ASAP1: variants seen among roughly 807,000 people sequenced by gnomAD.
The protein encoded by ASAP1 is ArfGAP with SH3 domain, ankyrin repeat and PH domain 1.
ASAP1 carries 43 observed loss-of-function variants against 145.2 expected under a neutral mutation model. The ratio of observed to expected loss-of-function variants is 0.30; its 90% CI spans 0.23 to 0.38. The LOEUF (loss-of-function observed/expected upper bound fraction) is 0.38, where lower values mean the gene tolerates loss of function less well. Ranked by LOEUF, ASAP1 falls within the 10% of genes least tolerant of loss-of-function variation. The pLI is 1.00. For missense variants in ASAP1, 1,018 were observed against 1,355.3 expected (o/e 0.75, Z 3.91); for synonymous variants, 546 against 515.5 (o/e 1.06, Z -0.80).
Position 130,088,537 on chromosome 8 carries a change from G to A in ASAP1, c.2572+3436C>T, listed in dbSNP as rs747628393. Among the ~76,000 whole-genome samples the A allele has an allele frequency of 8.5e-5, 13 of 152,282 alleles. No individual in the cohort carries two copies. In the East Asian group the frequency reaches 1.5e-3, roughly 18 times the overall value. ...GAAGGCAGAGGCTGCACCACTCCAC[G>A]GATCACCTGGAGTCACCAGAAGCTG... On this transcript the variant is annotated intron_variant, in intron 25 of 29. Transcript: ENST00000518721.
At chr8:130,127,760 G>C (rs1315502934) in intron 16 of ASAP1, among the ~76,000 whole-genome samples, 167 bp downstream of exon 16, 1 of 152,090 alleles carries the variant, frequency 6.6e-6, no homozygotes, top group Non-Finnish European at 1.5e-5. Context: ...AAACAGCATA[G>C]GTAAAAGCAG....
chr8:130,375,554 A>G (rs1286204167), intron 2 of ASAP1, among the ~76,000 whole-genome samples: 1 of 85,224 alleles, frequency 1.2e-5, no homozygotes, highest in African/African-American at 5.1e-5. Context: ...TCTCGAGGGA[A>G]AAAAAAAAAA....
At chr8:130,162,743 A>G (rs2097671943) in intron 11 of ASAP1, among the ~76,000 whole-genome samples, 2 of 150,846 alleles carry the variant, frequency 1.3e-5, no homozygotes, top group Admixed American at 6.6e-5. Flanking sequence ...GCGTGAACCC[A>G]GGAGGCGGGG....
intron 24 of ASAP1, among the ~76,000 whole-genome samples, chr8:130,096,907 C>T (rs2097519072): frequency 6.6e-6 from 1 of 151,982 alleles, no homozygotes. Flanking sequence ...GTGAGGGTCA[C>T]TTGAGGCCAG....
chr8:130,261,903 C>A (rs988939232), intron 3 of ASAP1, among the ~76,000 whole-genome samples: 6 of 151,914 alleles, frequency 3.9e-5, no homozygotes, highest in African/African-American at 2.4e-5. Flanking sequence ...AGCTACTTCA[C>A]AATTCCTACA....
At chr8:130,422,969 G>A (rs555388688) in intron 1 of ASAP1, among the ~76,000 whole-genome samples, 1 of 152,196 alleles carries the variant, frequency 6.6e-6, no homozygotes, top group East Asian at 1.9e-4. Context: ...GGTCCTCAGA[G>A]GTTAAGCAGC....
chr8:130,142,180 G>A (rs2097613493), intron 13 of ASAP1, among the ~76,000 whole-genome samples: 1 of 152,198 alleles, frequency 6.6e-6, no homozygotes, highest in African/African-American at 2.4e-5. Flanking sequence ...CGGTAAGAAA[G>A]TGGTTTGGAT....
intron 3 of ASAP1, among the ~76,000 whole-genome samples, chr8:130,254,192 A>G (rs1038922131): frequency 3.3e-5 from 5 of 152,226 alleles, no homozygotes; most frequent in African/African-American, 1.2e-4. Context: ...GACAGCAACA[A>G]CACTGCCTGA....
chr8:130,157,221 C>A (rs2097659858), intron 12 of ASAP1, among the ~76,000 whole-genome samples: 1 of 152,194 alleles, frequency 6.6e-6, no homozygotes, highest in Non-Finnish European at 1.5e-5. Context: ...GGTCACCATT[C>A]TAGAGCCCAG....
intron 25 of ASAP1, among the ~76,000 whole-genome samples, chr8:130,082,549 G>C (rs1377045769): frequency 6.7e-6 from 1 of 149,242 alleles, no homozygotes; most frequent in African/African-American, 2.5e-5. Flanking sequence ...TGTCACCCAG[G>C]TGGGAGTGCA....
At chr8:130,340,081 T>C (rs1825281829) in intron 3 of ASAP1, among the ~76,000 whole-genome samples, 1 of 152,224 alleles carries the variant, frequency 6.6e-6, no homozygotes, top group South Asian at 2.1e-4. Flanking sequence ...AAATAAGTCC[T>C]GTCCTCAAAA....
rs188165622 is a variant in ASAP1, at chr8:130,060,640, G to C, written c.3131C>G (p.Ser1044Cys). 3.7e-6 allele frequency: 6 copies of C among 1,614,154 alleles called. No individual in the cohort carries two copies. In the African/African-American group the frequency reaches 4.0e-5, roughly 11 times the overall value. The change falls in exon 28 of 30, where the codon TCC becomes TGC. Residue 1044 changes from serine to cysteine, a missense_variant. Around this residue, in one of 9 missense-constraint regions of ASAP1, gnomAD observed 139 missense variants for 131.0 expected, o/e 1.06. Transcript: ENST00000518721. Reference protein sequence around the residue: ...DAIQKQASEDSNDLTPTLPET... With the variant: ...DAIQKQASEDCNDLTPTLPET... ...TGGCAGAGTAGGCGTGAGGTCGTTG[G>C]AGTCTTCAGATGCTTGCTTTTGGAT...
intron 23 of ASAP1, among the ~76,000 whole-genome samples, chr8:130,112,968 C>T (rs17209339): frequency 0.22 from 33,976 of 152,106 alleles, 4,111 homozygotes; most frequent in South Asian, 0.36. Context: ...CTGCATTCCC[C>T]TTGGAAATAT....
intron 3 of ASAP1, among the ~76,000 whole-genome samples, chr8:130,351,954 C>T (rs1412274501): frequency 3.9e-5 from 6 of 152,316 alleles, no homozygotes; most frequent in East Asian, 1.9e-4. Context: ...TTCCTTCTCC[C>T]TTTGATTCTA....
chr8:130,141,034 G>A (rs544601287), intron 13 of ASAP1, among the ~76,000 whole-genome samples: 1 of 152,276 alleles, frequency 6.6e-6, no homozygotes, highest in South Asian at 2.1e-4. Flanking sequence ...ATATTGATTG[G>A]AGACTGTATA....
At chr8:130,197,564 TTACTA>T (rs1815583996) in intron 5 of ASAP1, among the ~76,000 whole-genome samples, 1 of 152,236 alleles carries the variant, frequency 6.6e-6, no homozygotes, top group Non-Finnish European at 1.5e-5. Flanking sequence ...CTACAAGGTA[TTACTA>T]AATAACTTGG....
At position 130,112,223 on chromosome 8, in the gene ASAP1, T is replaced by C; in HGVS notation, c.2272A>G (p.Thr758Ala). ...GAGAGCCGCTGTTTGTCCCTTGGAG[T>C]GCTGAATCCTGGCAGTGCCAGCTTG... Reference protein sequence around the residue: ...QDKLALPGFSTPRDKQRLSYG... With the variant: ...QDKLALPGFSAPRDKQRLSYG... Residue 758 changes from threonine to alanine, a missense_variant, in exon 24 of 30, where the codon ACT becomes GCT. Physicochemically the swap from Thr to Ala is moderately conservative, Grantham distance 58 (BLOSUM62 0). This residue lies in a region of ASAP1 where 353 missense variants were observed against 375.4 expected (regional missense o/e 0.94). Coordinates refer to ENST00000518721, the MANE Select transcript of ASAP1 (RefSeq NM_018482.4). 1 of 1,614,120 alleles carries C rather than the reference T, an allele frequency of 6.2e-7. No individual in the cohort carries two copies. The highest frequency in any genetic ancestry group is 8.5e-7 in the Non-Finnish European group (1 of 1,180,012).
chr8:130,276,986 G>A (rs1820952805), intron 3 of ASAP1, among the ~76,000 whole-genome samples: 1 of 152,124 alleles, frequency 6.6e-6, no homozygotes. Context: ...GGGGTCCCTT[G>A]TCCATGTGCA....
rs563144172 is a variant in ASAP1, at chr8:130,376,043, C to A, written c.60-17900G>T. Among the ~76,000 whole-genome samples the A allele has an allele frequency of 9.2e-5, 14 of 152,304 alleles. No homozygotes were observed. The East Asian group carries it at 2.3e-3, about 25-fold the overall frequency. The stretch of plus-strand genomic sequence containing the variant: ...GCCATACACAAATTAACAACAACAA[C>A]AAAAAGACATAATCAATTTGGAATT... On this transcript the variant is annotated intron_variant, in intron 2 of 29. Coordinates refer to ENST00000518721, the MANE Select transcript of ASAP1 (RefSeq NM_018482.4).
Sources: allele counts gnomAD v4.1 joint callset (sites outside exome capture counted in the v4.1 genomes callset), GRCh38; gene constraint gnomAD v4.1.1; regional missense constraint gnomAD v4.1.1; transcripts MANE v1.5; gene names NCBI Gene and HGNC (gene_info 2026-07-23, HGNC 2026-07-21).